Variants in DIP2C observed in about 807,000 individuals in gnomAD.
DIP2C encodes DIP2 acetate--CoA ligase C (putative).
A neutral mutation model predicts 192.4 loss-of-function variants in DIP2C; 33 were observed. The ratio of observed to expected loss-of-function variants is 0.17; its 90% confidence interval spans 0.13 to 0.23. DIP2C has a LOEUF of 0.23. DIP2C is among the 10% of genes least tolerant of loss of function. The pLI is 1.00. For synonymous variants in DIP2C, 979 were observed against 864.1 expected (o/e 1.13, Z -2.33); for missense variants, 1,537 against 2,110.1 (o/e 0.73, Z 5.32).
At chr10:503,442 T>C (rs1564796329) in intron 1 of DIP2C, among the ~76,000 whole-genome samples, 1 of 152,150 alleles carries the variant, frequency 6.6e-6, no homozygotes, top group African/African-American at 2.4e-5. Context: ...AGTGCTACTA[T>C]ACATAAATTT....
chr10:575,481 A>G (rs1241389658), intron 1 of DIP2C, among the ~76,000 whole-genome samples: 1 of 152,194 alleles, frequency 6.6e-6, no homozygotes, highest in African/African-American at 2.4e-5. Context: ...GCCAAAACAA[A>G]CGCAAAAGTC....
At chr10:337,947 T>A (rs61837316) in intron 29 of DIP2C, among the ~76,000 whole-genome samples, 1 of 148,658 alleles carries the variant, frequency 6.7e-6, no homozygotes, top group East Asian at 2.0e-4. Context: ...TGTGGAGGCC[T>A]AGACAGTCGT....
chr10:418,653 G>T (rs959451316), intron 6 of DIP2C, among the ~76,000 whole-genome samples: 2 of 152,206 alleles, frequency 1.3e-5, no homozygotes, highest in Admixed American at 1.3e-4. Flanking sequence ...AAAGTCTAAA[G>T]CAACATATCA....
intron 10 of DIP2C, among the ~76,000 whole-genome samples, chr10:397,235 G>T (rs571994786): frequency 6.6e-6 from 1 of 152,304 alleles, no homozygotes; most frequent in African/African-American, 2.4e-5. Context: ...ACACATTAAA[G>T]ATGTGCTAAA....
At chr10:352,783 T>C (rs1958885924) in intron 24 of DIP2C, among the ~76,000 whole-genome samples, 2 of 152,132 alleles carry the variant, frequency 1.3e-5, no homozygotes, top group Admixed American at 6.5e-5. Context: ...CCTTGCCACC[T>C]TTCCCCACCC....
At chr10:305,238 C>T (rs768223976) in intron 32 of DIP2C, among the ~76,000 whole-genome samples, 2 of 152,212 alleles carry the variant, frequency 1.3e-5, no homozygotes, top group Non-Finnish European at 2.9e-5. Flanking sequence ...CACAGGCAAG[C>T]TCGCACATGT....
chr10:599,708 C>G (rs1246243913), intron 1 of DIP2C, among the ~76,000 whole-genome samples: 2 of 152,176 alleles, frequency 1.3e-5, no homozygotes, highest in African/African-American at 4.8e-5. Flanking sequence ...GCATTCGGAG[C>G]AAGTACTCAA....
At chr10:605,848 A>C (rs891320525) in intron 1 of DIP2C, among the ~76,000 whole-genome samples, 1 of 152,224 alleles carries the variant, frequency 6.6e-6, no homozygotes, top group Non-Finnish European at 1.5e-5. Flanking sequence ...CCAAACAGAC[A>C]AAAACCAAAG....
chr10:382,460 G>C (rs1197625266), intron 17 of DIP2C, 187 bp downstream of exon 17: 2 of 524,570 alleles, frequency 3.8e-6, no homozygotes, highest in Admixed American at 7.0e-5. Context: ...GTTTTTTAAT[G>C]AATGAATCTA....
chr10:554,912 G>GCCTGC (rs1848761549), intron 1 of DIP2C, among the ~76,000 whole-genome samples: 1 of 152,122 alleles, frequency 6.6e-6, no homozygotes, highest in East Asian at 1.9e-4. Context: ...GGCCAGACTG[G>GCCTGC]CCTGCAGGAG....
chr10:346,372 TCG>T (rs1396220643), intron 26 of DIP2C, among the ~76,000 whole-genome samples: 23,918 of 31,202 alleles, frequency 0.77, 11,496 homozygotes, highest in Non-Finnish European at 0.84. Context: ...CCCAGACATA[TCG>T]CGTATAGTTC....
intron 1 of DIP2C, among the ~76,000 whole-genome samples, chr10:566,002 C>G (rs151326473): frequency 1.3e-5 from 2 of 152,330 alleles, no homozygotes; most frequent in East Asian, 3.9e-4. Context: ...GGCCGGCATT[C>G]AGACACTGTC....
At chr10:526,575 TA>T (rs1847065978) in intron 1 of DIP2C, among the ~76,000 whole-genome samples, 1 of 152,048 alleles carries the variant, frequency 6.6e-6, no homozygotes, top group Non-Finnish European at 1.5e-5. Flanking sequence ...AAAATTCTTT[TA>T]TGTTAGTTTT....
intron 1 of DIP2C, chr10:662,187 T>C (rs1402426645): frequency 7.1e-6 from 5 of 708,310 alleles, no homozygotes; most frequent in African/African-American, 7.0e-5. Context: ...ATATTTTATC[T>C]ATACACAAAG....
At chr10:486,633 C>T (rs1844038904) in intron 1 of DIP2C, 103 bp from the exon 2 acceptor site, 3 of 941,270 alleles carry the variant, frequency 3.2e-6, no homozygotes, top group Middle Eastern at 2.3e-4. Flanking sequence ...CTTCTGTGTG[C>T]CTCATTGTTA....
intron 3 of DIP2C, among the ~76,000 whole-genome samples, chr10:467,521 T>A (rs1970307098): frequency 1.7e-5 from 1 of 59,144 alleles, no homozygotes; most frequent in Non-Finnish European, 4.3e-5. Flanking sequence ...CCCTAAAACT[T>A]AAAGTATAAA....
rs754692061 is a variant in DIP2C, at chr10:384,644, AATC to A, written c.1663-8_1663-6del. The A allele has an allele frequency of 1.2e-6, 2 of 1,613,808 alleles. No homozygotes were observed. Among genetic ancestry groups the A allele is most frequent in the South Asian group, 2.2e-5 (2 of 91,066 alleles). ...ATGCATCATGTTCATGACGCTCTGC[AATC>A]AACAAAGGAACACGCAGGGTGAGCA... On this transcript the variant is annotated splice_region_variant and splice_polypyrimidine_tract_variant and intron_variant, in intron 14 of 36. Coordinates refer to ENST00000280886, the MANE Select transcript of DIP2C (RefSeq NM_014974.3).
chr10:521,117 T>C (rs1846680062), intron 1 of DIP2C, among the ~76,000 whole-genome samples: 1 of 152,206 alleles, frequency 6.6e-6, no homozygotes, highest in Non-Finnish European at 1.5e-5. Context: ...CAAACGAGCA[T>C]TTTCACAAAT....
chr10:564,994 A>C (rs1849386851), intron 1 of DIP2C, among the ~76,000 whole-genome samples: 1 of 152,248 alleles, frequency 6.6e-6, no homozygotes, highest in Non-Finnish European at 1.5e-5. Flanking sequence ...AACCTGGTGA[A>C]GATGAAGAGT....
Sources: gnomAD v4.1 joint callset for allele counts (sites outside exome capture counted in the v4.1 genomes callset) on GRCh38, gnomAD v4.1.1 for gene constraint, MANE v1.5 for transcripts, NCBI Gene and HGNC (gene_info 2026-07-23, HGNC 2026-07-21) for gene names.